The following ITGB3BP variants were observed in gnomAD, a reference collection of about 807,000 sequenced individuals.
ITGB3BP encodes integrin subunit beta 3 binding protein.
ITGB3BP carries 27 observed loss-of-function variants against 29.1 expected under a neutral mutation model. The observed-to-expected ratio is 0.93, with a 90% CI of 0.68 to 1.28. The LOEUF (loss-of-function observed/expected upper bound fraction) is 1.28. Ranked by LOEUF, ITGB3BP falls within the 50% of genes most tolerant of loss-of-function variation. The pLI is 0.00. For synonymous variants in ITGB3BP, 61 were observed against 61.4 expected, an observed-to-expected ratio of 0.99 and a Z score of 0.03; for missense variants, 192 against 200.2, an observed-to-expected ratio of 0.96 and a Z score of 0.25.
chr1:63,495,753 C>T (rs1645770819), intron 2 of ITGB3BP, among the ~76,000 whole-genome samples: 1 of 152,094 alleles, frequency 6.6e-6, no homozygotes, highest in Non-Finnish European at 1.5e-5. Context: ...TGGAAAATCT[C>T]CCTAGAACCA....
intron 2 of ITGB3BP, among the ~76,000 whole-genome samples, chr1:63,505,869 G>A (rs1646065552): frequency 1.3e-5 from 2 of 152,182 alleles, no homozygotes; most frequent in African/African-American, 4.8e-5. Flanking sequence ...TTGCACTGTG[G>A]TCTGACAGAC....
intron 1 of ITGB3BP, chr1:63,510,188 C>CAA (rs67405755): frequency 3.6e-3 from 1,494 of 417,212 alleles, no homozygotes; most frequent in Non-Finnish European, 4.5e-3. Context: ...AAAACTGTCT[C>CAA]AAAAAAAAAA....
At chr1:63,477,712 A>T (rs6588037) in intron 4 of ITGB3BP, among the ~76,000 whole-genome samples, 142,485 of 150,426 alleles carry the variant, frequency 0.95, 67,989 homozygotes, top group East Asian at 1. Context: ...AGAGTGAGAC[A>T]ATCAGGGAAA....
At chr1:63,508,438 A>T in intron 2 of ITGB3BP, 90 bp downstream of exon 2, 3 of 644,214 alleles carry the variant, frequency 4.7e-6, no homozygotes, top group Non-Finnish European at 8.1e-6. Context: ...AAAATTATCA[A>T]GATAATTTTA....
chr1:63,523,046 G>T, intron 1 of ITGB3BP, 83 bp downstream of exon 1: 1 of 1,535,178 alleles, frequency 6.5e-7, no homozygotes, highest in South Asian at 1.1e-5. Context: ...ATAGGAAAAC[G>T]AGAAAGGCTA....
chr1:63,461,486 TTTTTC>T (rs1645018143), intron 4 of ITGB3BP, among the ~76,000 whole-genome samples: 1 of 152,148 alleles, frequency 6.6e-6, no homozygotes, highest in Non-Finnish European at 1.5e-5. Context: ...TCAAATTTAT[TTTTTC>T]TTTTGTTCAT....
upstream of ITGB3BP, among the ~76,000 whole-genome samples, chr1:63,525,407 A>T (rs1169416132): frequency 6.6e-6 from 1 of 152,184 alleles, no homozygotes; most frequent in African/African-American, 2.4e-5. Flanking sequence ...TTCGTCTTTT[A>T]CTTCCACATA....
intron 4 of ITGB3BP, among the ~76,000 whole-genome samples, chr1:63,466,591 A>G (rs570589336): frequency 1.4e-4 from 22 of 152,352 alleles, no homozygotes; most frequent in African/African-American, 4.3e-4. Context: ...AACCTATTAT[A>G]CCACACAGCA....
chr1:63,446,650 G>C, intron 8 of ITGB3BP, 156 bp downstream of exon 8: 1 of 621,106 alleles, frequency 1.6e-6, no homozygotes, highest in Non-Finnish European at 2.9e-6. Context: ...GATAAGACTA[G>C]ATTAATATAA....
chr1:63,485,924 C>A (rs145485973), intron 3 of ITGB3BP, among the ~76,000 whole-genome samples: 1 of 152,018 alleles, frequency 6.6e-6, no homozygotes, highest in East Asian at 1.9e-4. Context: ...CTTTACCCTG[C>A]CCAGACTTAG....
chr1:63,523,479 G>T (rs1404456401), upstream of ITGB3BP: 1 of 385,312 alleles, frequency 2.6e-6, no homozygotes, highest in East Asian at 5.3e-5. Context: ...TAGCCGGATC[G>T]TTTGGAGAAG....
chr1:63,514,944 CAAAAAAAAA>C (rs55738892), intron 1 of ITGB3BP, among the ~76,000 whole-genome samples: 1 of 117,110 alleles, frequency 8.5e-6, no homozygotes, highest in Non-Finnish European at 1.8e-5. Flanking sequence ...GACTCTGTCT[CAAAAAAAAA>C]AAAAAAAAAA....
At chr1:63,510,293 T>C (rs943227549) in intron 1 of ITGB3BP, 5 of 393,304 alleles carry the variant, frequency 1.3e-5, no homozygotes, top group Non-Finnish European at 1.3e-5. Context: ...TAGTATCTTT[T>C]AGAAGGAGAC....
rs572141120 is a variant in ITGB3BP at position 63,521,293 on chromosome 1, G to C, written c.5+1836C>G. Among the ~76,000 whole-genome samples, 5 of 151,032 alleles carry C rather than the reference G, an allele frequency of 3.3e-5. No individual in the cohort carries two copies. The South Asian group carries it at 1.0e-3, about 32-fold the overall frequency. On this transcript the variant is annotated intron_variant, in intron 1 of 8. Transcript: ENST00000271002. The stretch of plus-strand genomic sequence containing the variant: ...AAAAAACACTTAATTTACTAACAAT[G>C]ATGGAGATTCTCTACTAACATGCCA...
At chr1:63,502,477 A>G (rs933736598) in intron 2 of ITGB3BP, among the ~76,000 whole-genome samples, 7 of 151,280 alleles carry the variant, frequency 4.6e-5, no homozygotes, top group African/African-American at 1.7e-4. Context: ...AAGGCTGGGA[A>G]GGCCTCAGAA....
intron 4 of ITGB3BP, among the ~76,000 whole-genome samples, chr1:63,465,600 G>A: frequency 6.6e-6 from 1 of 151,758 alleles, no homozygotes; most frequent in East Asian, 1.9e-4. Flanking sequence ...TCCCTATGTT[G>A]CTCAGGCTTG....
At position 63,503,430 on chromosome 1, in the gene ITGB3BP, G is replaced by T. The variant is rs556745610; in HGVS notation, c.48+5098C>A. Among the ~76,000 whole-genome samples, 3 of 152,238 alleles carry T rather than the reference G, an allele frequency of 2.0e-5. No homozygotes were observed. The South Asian group carries it at 6.2e-4, about 32-fold the overall frequency. On this transcript the variant is annotated intron_variant, in intron 2 of 8. Transcript: ENST00000271002. ...ATATTAGCCCTTTGTCAGATGAGTA[G>T]ATTGCAAAAATTTTCTCCCATTCTG...
chr1:63,516,771 C>T (rs1434353058), intron 1 of ITGB3BP, among the ~76,000 whole-genome samples: 3 of 150,196 alleles, frequency 2.0e-5, no homozygotes, highest in Admixed American at 2.0e-4. Context: ...ATGTTCTCAT[C>T]TATTAGTGGG....
intron 3 of ITGB3BP, among the ~76,000 whole-genome samples, chr1:63,489,836 G>A (rs903975702): frequency 6.6e-6 from 1 of 152,038 alleles, no homozygotes; most frequent in East Asian, 1.9e-4. Flanking sequence ...GTAGCTGAAG[G>A]CAAGTCAGGC....
Sources: allele counts gnomAD v4.1 joint callset (sites outside exome capture counted in the v4.1 genomes callset), GRCh38; gene constraint gnomAD v4.1.1; transcripts MANE v1.5; gene names NCBI Gene and HGNC (gene_info 2026-07-23, HGNC 2026-07-21).